Variants in IPCEF1 observed in about 807,000 individuals in gnomAD.
IPCEF1 encodes the protein interactor protein for cytohesin exchange factors 1.
A neutral mutation model predicts 50.9 loss-of-function variants in IPCEF1; 31 were observed. The ratio of observed to expected loss-of-function variants is 0.61; its 90% CI spans 0.46 to 0.82. The LOEUF is 0.82. Among genes scored for constraint, IPCEF1 ranks in the 40% least tolerant of loss-of-function variants. The pLI, the probability that IPCEF1 is intolerant of heterozygous loss-of-function variation, is 0.00. For missense variants in IPCEF1, 458 were observed against 514.0 expected (o/e 0.89, Z 1.05); for synonymous variants, 181 against 192.0 (o/e 0.94, Z 0.47).
At chr6:154,173,846 G>T (rs1187354138) in intron 10 of IPCEF1, among the ~76,000 whole-genome samples, 1 of 152,176 alleles carries the variant, frequency 6.6e-6, no homozygotes, top group East Asian at 1.9e-4. Flanking sequence ...TCCTTGAGAA[G>T]AGCAACCCCA....
At chr6:154,265,183 T>C (rs1017468472) in intron 3 of IPCEF1, among the ~76,000 whole-genome samples, 7 of 152,166 alleles carry the variant, frequency 4.6e-5, no homozygotes, top group Admixed American at 2.6e-4. Flanking sequence ...CCTTGTCTAA[T>C]AGAGATTATA....
intron 5 of IPCEF1, among the ~76,000 whole-genome samples, chr6:154,231,073 A>C (rs9371781): frequency 0.34 from 51,628 of 152,008 alleles, 9,267 homozygotes; most frequent in Admixed American, 0.48. Context: ...CCCCCAGGGC[A>C]CTGGAAACAG....
intron 10 of IPCEF1, among the ~76,000 whole-genome samples, chr6:154,193,360 G>A (rs969519959): frequency 6.6e-6 from 1 of 152,090 alleles, no homozygotes; most frequent in Admixed American, 6.5e-5. Flanking sequence ...GGGACTCGGG[G>A]GAAAGGATAA....
At chr6:154,258,744 G>C (rs933387699) in intron 3 of IPCEF1, among the ~76,000 whole-genome samples, 2 of 152,108 alleles carry the variant, frequency 1.3e-5, no homozygotes, top group African/African-American at 4.8e-5. Context: ...CCCGTCTACA[G>C]TCTAGATCCT....
chr6:154,212,895 C>T (rs778316618), intron 8 of IPCEF1, 40 bp from the exon 9 acceptor site: 2 of 1,347,210 alleles, frequency 1.5e-6, no homozygotes, highest in South Asian at 1.2e-5. Flanking sequence ...TTAACGCTGT[C>T]ATCGCTTATT....
chr6:154,354,173 C>T (rs1346713358), intron 1 of IPCEF1, among the ~76,000 whole-genome samples: 3 of 152,148 alleles, frequency 2.0e-5, no homozygotes, highest in Non-Finnish European at 2.9e-5. Flanking sequence ...CTGGTAGGTT[C>T]AGAGATATAG....
At chr6:154,267,596 A>G (rs1781789570) in intron 2 of IPCEF1, among the ~76,000 whole-genome samples, 1 of 152,174 alleles carries the variant, frequency 6.6e-6, no homozygotes, top group Non-Finnish European at 1.5e-5. Context: ...AGTAGAGGGG[A>G]GCAAGATGAA....
At chr6:154,166,432 C>G (rs891178251) in intron 11 of IPCEF1, among the ~76,000 whole-genome samples, 17 of 152,188 alleles carry the variant, frequency 1.1e-4, no homozygotes, top group African/African-American at 4.1e-4. Context: ...CCTGCTTCTC[C>G]CAACGTGGAA....
At chr6:154,212,008 A>G (rs949676036) in intron 9 of IPCEF1, among the ~76,000 whole-genome samples, 3 of 152,228 alleles carry the variant, frequency 2.0e-5, no homozygotes, top group Non-Finnish European at 4.4e-5. Context: ...CATTAAATAA[A>G]ATGCAAATTA....
chr6:154,180,414 A>ATATATATATATATATATATTTTTTTTT (rs1241250621), intron 10 of IPCEF1, among the ~76,000 whole-genome samples: 4 of 65,256 alleles, frequency 6.1e-5, no homozygotes, highest in African/African-American at 1.4e-4. Context: ...ATATATATAT[A>ATATATATATATATATATATTTTTTTTT]TTTTTTTTTT....
intron 2 of IPCEF1, among the ~76,000 whole-genome samples, chr6:154,266,502 T>C (rs1167774373): frequency 1.3e-5 from 2 of 150,720 alleles, no homozygotes; most frequent in African/African-American, 2.4e-5. Flanking sequence ...TATACATTTG[T>C]CAATATTCTT....
chr6:154,199,576 G>T, intron 10 of IPCEF1, 92 bp downstream of exon 10: 1 of 1,368,210 alleles, frequency 7.3e-7, no homozygotes, highest in Non-Finnish European at 9.8e-7. Flanking sequence ...TCATTCATGA[G>T]TTTAACCATT....
At chr6:154,189,973 C>T (rs1328640803) in intron 10 of IPCEF1, among the ~76,000 whole-genome samples, 5 of 151,716 alleles carry the variant, frequency 3.3e-5, no homozygotes, top group Non-Finnish European at 4.4e-5. Flanking sequence ...CACCGTACCA[C>T]ATTAATATGT....
At chr6:154,301,705 G>A (rs974293914) in intron 1 of IPCEF1, among the ~76,000 whole-genome samples, 3 of 152,078 alleles carry the variant, frequency 2.0e-5, no homozygotes, top group Admixed American at 6.5e-5. Flanking sequence ...ATAATTTAAC[G>A]TGATATGTGC....
chr6:154,312,413 C>T (rs1032184168), intron 1 of IPCEF1, among the ~76,000 whole-genome samples: 1 of 152,094 alleles, frequency 6.6e-6, no homozygotes, highest in Non-Finnish European at 1.5e-5. Context: ...GTGTCACGAT[C>T]TCGGCTCACT....
At chr6:154,292,021 A>G (rs1782529484) in intron 1 of IPCEF1, among the ~76,000 whole-genome samples, 2 of 152,076 alleles carry the variant, frequency 1.3e-5, no homozygotes, top group Non-Finnish European at 1.5e-5. Flanking sequence ...TGCAATCACT[A>G]TACAGTCCAA....
At chr6:154,316,536 C>G (rs534369793) in intron 1 of IPCEF1, among the ~76,000 whole-genome samples, 1 of 152,280 alleles carries the variant, frequency 6.6e-6, no homozygotes, top group Admixed American at 6.5e-5. Flanking sequence ...ACCAATACTG[C>G]ATACTCTCAC....
chr6:154,230,490 A>G lies in IPCEF1; in HGVS notation c.247-7247T>C, dbSNP rs117787501. ...CCATGATAACATTTGCCCTTTTCGT[A>G]CCACAAGTATTTTGGAAAATATACA... On this transcript the variant is annotated intron_variant, in intron 5 of 11. Coordinates refer to ENST00000367220, the MANE Select transcript of IPCEF1 (RefSeq NM_001130700.2). 5.2e-3 allele frequency among the ~76,000 whole-genome samples: 796 copies of G among 152,338 alleles called. 3 individuals carry two copies. Among genetic ancestry groups the G allele is most frequent in the Non-Finnish European group, 8.8e-3 (600 of 68,034 alleles).
At chr6:154,322,402 A>ACACACC (rs1554224662) in intron 1 of IPCEF1, among the ~76,000 whole-genome samples, 2 of 94,418 alleles carry the variant, frequency 2.1e-5, no homozygotes, top group African/African-American at 6.1e-5. Flanking sequence ...ACACACACAC[A>ACACACC]CCCCTATGTT....
Sources: gnomAD v4.1 joint callset for allele counts (sites outside exome capture counted in the v4.1 genomes callset) on GRCh38, gnomAD v4.1.1 for gene constraint, MANE v1.5 for transcripts, NCBI Gene and HGNC (gene_info 2026-07-23, HGNC 2026-07-21) for gene names.